The following MGAT5 variants were observed in gnomAD, a reference collection of about 807,000 sequenced individuals.
The protein encoded by MGAT5 is alpha-1,6-mannosylglycoprotein 6-beta-N-acetylglucosaminyltransferase A.
MGAT5 carries 30 observed loss-of-function variants against 94.3 expected under a neutral mutation model. The observed-to-expected ratio is 0.32, with a 90% CI of 0.24 to 0.43. MGAT5 has a LOEUF of 0.43. Ranked by LOEUF, MGAT5 falls within the 20% of genes least tolerant of loss-of-function variation. MGAT5 has a pLI of 1.00. For synonymous variants in MGAT5, 310 were observed against 322.9 expected (o/e 0.96, Z 0.43); for missense variants, 691 against 905.5 (o/e 0.76, Z 3.04).
chr2:134,165,636 A>T (rs918467594), intron 1 of MGAT5, among the ~76,000 whole-genome samples: 1 of 152,064 alleles, frequency 6.6e-6, no homozygotes, highest in Non-Finnish European at 1.5e-5. Flanking sequence ...TTAGCCAGTC[A>T]TGGTGGCGGG....
chr2:134,212,499 G>A lies in MGAT5; in HGVS notation c.-142-41763G>A, dbSNP rs1466761983. ...TTGTTCAGTTTCCATGTAGTTGAGCGGCTTTGAGTGAGATTCTTAATCCTG... is the reference window on the plus strand; with the variant it reads ...TTGTTCAGTTTCCATGTAGTTGAGCAGCTTTGAGTGAGATTCTTAATCCTG... On this transcript the variant is annotated intron_variant, in intron 1 of 16. Coordinates refer to the MGAT5 transcript ENST00000409645. 2.8e-4 allele frequency among the ~76,000 whole-genome samples: 6 copies of A among 21,582 alleles called. 2 individuals carry two copies. Among genetic ancestry groups the A allele is most frequent in the South Asian group, 5.2e-3 (2 of 382 alleles). 14.2% of individuals were successfully genotyped at this position (21,582 alleles called of 152,430 possible).
At chr2:134,176,464 C>G (rs6745407) in intron 1 of MGAT5, among the ~76,000 whole-genome samples, 16,331 of 150,032 alleles carry the variant, frequency 0.11, 1,269 homozygotes, top group African/African-American at 0.21. Context: ...TCTAGCTACT[C>G]AGGGAGGCTG....
chr2:134,202,315 A>G (rs553487186), intron 1 of MGAT5, among the ~76,000 whole-genome samples: 3 of 152,326 alleles, frequency 2.0e-5, no homozygotes, highest in East Asian at 1.9e-4. Context: ...GCCCTTGTGA[A>G]TGGGGTTCAT....
At chr2:134,265,424 A>G (rs941060584) in intron 1 of MGAT5, among the ~76,000 whole-genome samples, 1 of 152,180 alleles carries the variant, frequency 6.6e-6, no homozygotes, top group Non-Finnish European at 1.5e-5. Context: ...CTTCTTACCC[A>G]TCAATACCAT....
intron 1 of MGAT5, among the ~76,000 whole-genome samples, chr2:134,135,350 T>C (rs1294361379): frequency 6.6e-6 from 1 of 152,156 alleles, no homozygotes; most frequent in Non-Finnish European, 1.5e-5. Context: ...GTTTTTTCTC[T>C]AGACTAATGA....
At chr2:134,174,825 G>A (rs753752969) in intron 1 of MGAT5, among the ~76,000 whole-genome samples, 8 of 152,242 alleles carry the variant, frequency 5.3e-5, no homozygotes, top group Non-Finnish European at 1.2e-4. Flanking sequence ...CTCTTGAGCC[G>A]CTTGATGGTG....
intron 6 of MGAT5, 65 bp downstream of exon 6, chr2:134,338,485 G>A: frequency 6.7e-7 from 1 of 1,481,570 alleles, no homozygotes; most frequent in Non-Finnish European, 9.1e-7. Context: ...ATTTTGCTTG[G>A]AAACAAGACT....
At chr2:134,181,044 A>G (rs1688710505) in intron 1 of MGAT5, among the ~76,000 whole-genome samples, 1 of 152,226 alleles carries the variant, frequency 6.6e-6, no homozygotes, top group African/African-American at 2.4e-5. Context: ...TAATAGATAT[A>G]CATGTTAAGA....
chr2:134,133,136 T>G (rs1363810965), intron 1 of MGAT5, among the ~76,000 whole-genome samples: 2 of 152,210 alleles, frequency 1.3e-5, no homozygotes, highest in Non-Finnish European at 2.9e-5. Context: ...TGATCCTAGC[T>G]TCTCTTACAC....
intron 1 of MGAT5, among the ~76,000 whole-genome samples, chr2:134,190,956 T>A (rs1210225414): frequency 6.6e-6 from 1 of 152,126 alleles, no homozygotes; most frequent in East Asian, 1.9e-4. Flanking sequence ...GTCAGCTATT[T>A]AAAAAAATTT....
At chr2:134,259,595 G>A (rs918396766) in intron 1 of MGAT5, among the ~76,000 whole-genome samples, 2 of 152,084 alleles carry the variant, frequency 1.3e-5, no homozygotes, top group African/African-American at 4.8e-5. Flanking sequence ...GCTTCTCTCT[G>A]CCGACCCCCA....
chr2:134,387,812 A>T (rs115708077), intron 10 of MGAT5, among the ~76,000 whole-genome samples: 1,788 of 152,342 alleles, frequency 0.012, 32 homozygotes, highest in African/African-American at 0.04. Flanking sequence ...CAGATGGTTG[A>T]GTATTCAAAT....
chr2:134,445,922 C>T (rs140489870), intron 15 of MGAT5, among the ~76,000 whole-genome samples: 2 of 152,254 alleles, frequency 1.3e-5, no homozygotes, highest in East Asian at 3.9e-4. Flanking sequence ...TCACTGATGA[C>T]CTTTGCTCCC....
At chr2:134,121,121 T>C (rs1685559891) in intron 1 of MGAT5, among the ~76,000 whole-genome samples, 1 of 152,106 alleles carries the variant, frequency 6.6e-6, no homozygotes. Flanking sequence ...TGGGCGCCGC[T>C]CTCGCCTGTG....
chr2:134,394,594 T>C (rs940937707), intron 10 of MGAT5, among the ~76,000 whole-genome samples: 1 of 152,258 alleles, frequency 6.6e-6, no homozygotes, highest in African/African-American at 2.4e-5. Context: ...AAAGTATTAA[T>C]GTATTACTTT....
chr2:134,343,465 A>G (rs1274792941), intron 7 of MGAT5, among the ~76,000 whole-genome samples: 1 of 152,130 alleles, frequency 6.6e-6, no homozygotes, highest in Non-Finnish European at 1.5e-5. Context: ...TCAGGGCTAG[A>G]TGTGTTTTGT....
At chr2:134,347,563 G>A (rs1047109233) in intron 8 of MGAT5, among the ~76,000 whole-genome samples, 1 of 152,048 alleles carries the variant, frequency 6.6e-6, no homozygotes, top group African/African-American at 2.4e-5. Context: ...CACATCAACG[G>A]ATCAACCGCA....
chr2:134,172,603 G>T (rs552517508), intron 1 of MGAT5, among the ~76,000 whole-genome samples: 37 of 152,222 alleles, frequency 2.4e-4, no homozygotes, highest in African/African-American at 8.7e-4. Flanking sequence ...AGCCAGGATG[G>T]TCTCGATCTC....
At chr2:134,293,031 A>G (rs1011708600) in intron 2 of MGAT5, among the ~76,000 whole-genome samples, 10 of 152,362 alleles carry the variant, frequency 6.6e-5, no homozygotes, top group African/African-American at 2.4e-4. Flanking sequence ...AAAAATAGCT[A>G]GCAAGCATGC....
Sources: allele counts gnomAD v4.1 joint callset (sites outside exome capture counted in the v4.1 genomes callset), GRCh38; gene constraint gnomAD v4.1.1; transcripts MANE v1.5; gene names NCBI Gene and HGNC (gene_info 2026-07-23, HGNC 2026-07-21).